PPP2R3B: variants seen among roughly 807,000 people sequenced by gnomAD.
PPP2R3B encodes the protein protein phosphatase 2 regulatory subunit B''beta.
PPP2R3B carries 68 observed loss-of-function variants against 72.9 expected under a neutral mutation model. The observed-to-expected ratio is 0.93, with a 90% confidence interval of 0.77 to 1.14. The LOEUF (loss-of-function observed/expected upper bound fraction) is 1.14. Among genes scored for constraint, PPP2R3B ranks in the 50% most tolerant of loss-of-function variants. The probability of loss-of-function intolerance (pLI) is 0.00; values close to 1 mark genes in which losing one functional copy is unlikely to be tolerated. For missense variants in PPP2R3B, 1,018 were observed against 842.0 expected, an observed-to-expected ratio of 1.21 and a Z score of -2.59; for synonymous variants, 466 against 375.8, an observed-to-expected ratio of 1.24 and a Z score of -2.78.
chrX:367,460 G>A (rs970760943), intron 1 of PPP2R3B, among the ~76,000 whole-genome samples: 6 of 151,074 alleles, frequency 4.0e-5, no homozygotes, highest in South Asian at 2.1e-4. Context: ...ACGGGGTCTC[G>A]CTATGTTGTG....
chrX:360,628 C>T (rs1008127867), intron 2 of PPP2R3B, among the ~76,000 whole-genome samples: 32 of 152,158 alleles, frequency 2.1e-4, no homozygotes, highest in Non-Finnish European at 3.5e-4. Flanking sequence ...GGGGTCTCAC[C>T]GTGAGGGGCT....
chrX:376,320 C>T (rs1037673775), intron 1 of PPP2R3B, among the ~76,000 whole-genome samples: 60 of 152,304 alleles, frequency 3.9e-4, no homozygotes, highest in South Asian at 1.4e-3. Flanking sequence ...CCACTGCCCC[C>T]CTGGAGCCCT....
At chrX:376,381 C>T (rs1003690850) in intron 1 of PPP2R3B, among the ~76,000 whole-genome samples, 1 of 152,198 alleles carries the variant, frequency 6.6e-6, no homozygotes, top group African/African-American at 2.4e-5. Flanking sequence ...AGTGCAGCCA[C>T]AGGGCTGTCT....
chrX:348,049 A>G lies in PPP2R3B; in HGVS notation c.511-356T>C, dbSNP rs1353570146. ...GCCCCGTCAGCCAGGCAACGCGGTG[A>G]ATCGGACGGCGACAGAAACATCTCA... On this transcript the variant is annotated intron_variant, in intron 2 of 12. Coordinates refer to ENST00000390665, the MANE Select transcript of PPP2R3B (RefSeq NM_013239.5). 2.0e-5 allele frequency among the ~76,000 whole-genome samples: 3 copies of G among 152,182 alleles called. No individual in the cohort carries two copies. In the East Asian group the frequency reaches 5.8e-4, roughly 29 times the overall value.
chrX:386,167 A>C (rs2072243749), intron 1 of PPP2R3B, among the ~76,000 whole-genome samples: 1 of 147,102 alleles, frequency 6.8e-6, no homozygotes, highest in Non-Finnish European at 1.5e-5. Flanking sequence ...TAGGTTAACA[A>C]CTGTCAATGA....
At chrX:359,721 T>C (rs2071503568) in intron 2 of PPP2R3B, 3 of 397,258 alleles carry the variant, frequency 7.6e-6, no homozygotes, top group Non-Finnish European at 1.5e-5. Context: ...CATGCTAATT[T>C]TTCTCTAAGA....
rs377576182 is a variant in PPP2R3B at position 338,933 on chromosome X, C to T, written c.1352-37G>A. 9.7e-5 allele frequency: 152 copies of T among 1,569,876 alleles called. 1 individual carries two copies. The highest frequency in any genetic ancestry group is 1.9e-4 in the Middle Eastern group (1 of 5,338). On this transcript the variant is annotated intron_variant, in intron 10 of 12. Transcript: ENST00000390665. ...GGAGTGCGTCCAAGGCGCGTGAGCC[C>T]GGTCTCACCTTCGGGGCCTGGGTGT...
intron 1 of PPP2R3B, among the ~76,000 whole-genome samples, chrX:385,807 GCA>G (rs768012412): frequency 1.2e-3 from 186 of 152,168 alleles, no homozygotes; most frequent in African/African-American, 4.4e-3. Flanking sequence ...CGGACCAGGC[GCA>G]GTGACTCACG....
At chrX:367,425 G>A (rs1005436059) in intron 1 of PPP2R3B, among the ~76,000 whole-genome samples, 4 of 134,004 alleles carry the variant, frequency 3.0e-5, no homozygotes, top group African/African-American at 5.7e-5. Context: ...TTTAGTCGAC[G>A]TTCCTTTTTT....
At position 334,142 on chromosome X, in the gene PPP2R3B, G is replaced by T. The variant is rs780851021; in HGVS notation, c.*225C>A. On this transcript the variant is annotated 3_prime_UTR_variant, in exon 13 of 13. Coordinates refer to ENST00000390665, the MANE Select transcript of PPP2R3B (RefSeq NM_013239.5). ...CAAGCGCCAGAGGGTGTCCGTGTGG[G>T]AACCCGTCCCATTCACGCGCGGCCC... The T allele has an allele frequency of 1.1e-4, 49 of 440,572 alleles. No individual in the cohort carries two copies. The highest frequency in any genetic ancestry group is 8.1e-4 in the African/African-American group (39 of 48,102). The allele number at this position is 440,572 out of a possible 1,614,324, so 27.3% of individuals were successfully genotyped here.
Position 341,347 on chromosome X carries a change from A to G in PPP2R3B, c.1135T>C (p.Trp379Arg). 1 of 1,612,612 alleles carries G rather than the reference A, an allele frequency of 6.2e-7. No individual in the cohort carries two copies. Among genetic ancestry groups the G allele is most frequent in the Non-Finnish European group, 8.5e-7 (1 of 1,179,714 alleles). The stretch of plus-strand genomic sequence containing the variant: ...TTGTCTTCCTCAGAGATCAAAAACC[A>G]GACAAAGTCGGCATAGCTGATCTTC... ...EGKISYADFVWFLISEEDKKT... is the reference protein window; with the variant it reads ...EGKISYADFVRFLISEEDKKT... Residue 379 changes from tryptophan (W) to arginine (R), a missense_variant, in exon 9 of 13, where the codon TGG becomes CGG. Trp to Arg is a moderately radical substitution (Grantham distance 101, BLOSUM62 -3). Coordinates refer to ENST00000390665, the MANE Select transcript of PPP2R3B (RefSeq NM_013239.5).
rs183772471 is a variant in PPP2R3B, at chrX:375,775, C to T, written c.324+10593G>A. 6.3e-3 allele frequency among the ~76,000 whole-genome samples: 648 copies of T among 102,848 alleles called. 7 individuals carry two copies. Among genetic ancestry groups the T allele is most frequent in the African/African-American group, 0.023 (615 of 27,028 alleles). The allele number at this position is 102,848 out of a possible 152,430, so 67.5% of individuals were successfully genotyped here. ...TGCGGGGGAAGCGAGCCAACGGGCG[C>T]GATCCTCACACTCAGGCAACATGCC... On this transcript the variant is annotated intron_variant, in intron 1 of 12. Coordinates refer to ENST00000390665, the MANE Select transcript of PPP2R3B (RefSeq NM_013239.5).
intron 7 of PPP2R3B, chrX:345,072 C>T (rs1319559782): frequency 1.9e-5 from 8 of 427,942 alleles, no homozygotes; most frequent in Non-Finnish European, 3.2e-5. Flanking sequence ...CACCGGCTCC[C>T]GCGGAGGTAT....
chrX:379,330 T>A (rs945872116), intron 1 of PPP2R3B, among the ~76,000 whole-genome samples: 3 of 147,438 alleles, frequency 2.0e-5, no homozygotes, highest in Admixed American at 6.7e-5. Flanking sequence ...TATGCGTGTG[T>A]ATGCACCTGT....
chrX:344,462 C>T (rs780609151), intron 7 of PPP2R3B, among the ~76,000 whole-genome samples: 25 of 152,276 alleles, frequency 1.6e-4, no homozygotes, highest in Non-Finnish European at 2.9e-4. Context: ...TGCCGCCCCC[C>T]GCTTCAGGCC....
At chrX:384,131 T>C (rs1371185485) in intron 1 of PPP2R3B, among the ~76,000 whole-genome samples, 1 of 152,018 alleles carries the variant, frequency 6.6e-6, no homozygotes, top group Non-Finnish European at 1.5e-5. Flanking sequence ...CTCCAGCAGC[T>C]AAATGTCCTT....
Position 345,511 on chromosome X carries a change from C to G in PPP2R3B, c.1036+5G>C, listed in dbSNP as rs774606379. ...CGGCCCGCCCGCCCCTGTGCCCCCA[C>G]GCACCGTGGTCATTGTGCCGCGCCA... On this transcript the variant is annotated splice_donor_5th_base_variant and intron_variant, in intron 7 of 12. Coordinates refer to ENST00000390665, the MANE Select transcript of PPP2R3B (RefSeq NM_013239.5). 16 of 1,612,554 alleles carry G rather than the reference C, an allele frequency of 9.9e-6. No homozygotes were observed. The highest frequency in any genetic ancestry group is 8.5e-7 in the Non-Finnish European group (1 of 1,179,476).
At chrX:339,159 C>T (rs771987941) in intron 10 of PPP2R3B, among the ~76,000 whole-genome samples, 11 of 151,050 alleles carry the variant, frequency 7.3e-5, no homozygotes, top group Admixed American at 3.3e-4. Flanking sequence ...CGCAGGGAGG[C>T]GCGGCCAGCA....
chrX:370,925 C>T (rs1156970716), intron 1 of PPP2R3B, among the ~76,000 whole-genome samples: 1 of 152,120 alleles, frequency 6.6e-6, no homozygotes, highest in Non-Finnish European at 1.5e-5. Flanking sequence ...TCTGTGCGTC[C>T]ACCCGAAGGA....
Sources: gnomAD v4.1 joint callset for allele counts (sites outside exome capture counted in the v4.1 genomes callset) on GRCh38, gnomAD v4.1.1 for gene constraint, MANE v1.5 for transcripts, NCBI Gene and HGNC (gene_info 2026-07-23, HGNC 2026-07-21) for gene names.